Variants in DHRS7B observed in about 807,000 individuals in gnomAD.
The protein encoded by DHRS7B is dehydrogenase/reductase 7B, also known as peroxisomal reductase activating PPAR-gamma.
DHRS7B carries 24 observed loss-of-function variants against 26.4 expected under a neutral mutation model. The ratio of observed to expected loss-of-function variants is 0.91; its 90% CI spans 0.66 to 1.28. DHRS7B has a LOEUF of 1.28. DHRS7B is among the 50% of genes most tolerant of loss of function. The pLI is 0.00. For missense variants in DHRS7B, 368 were observed against 419.4 expected (o/e 0.88, Z 1.07); for synonymous variants, 142 against 166.4 (o/e 0.85, Z 1.13).
At chr17:21,159,297 G>C (rs967182113) in intron 1 of DHRS7B, among the ~76,000 whole-genome samples, 5 of 150,312 alleles carry the variant, frequency 3.3e-5, no homozygotes, top group African/African-American at 1.2e-4. Flanking sequence ...GCCCAGGCTA[G>C]AGTGCAGTGG....
chr17:21,174,740 CT>C (rs1974335610), intron 2 of DHRS7B, among the ~76,000 whole-genome samples: 1 of 152,218 alleles, frequency 6.6e-6, no homozygotes, highest in African/African-American at 2.4e-5. Flanking sequence ...CACAAATGTC[CT>C]ATGTATTGGT....
chr17:21,164,558 G>A (rs1974070657), intron 1 of DHRS7B, among the ~76,000 whole-genome samples: 1 of 152,236 alleles, frequency 6.6e-6, no homozygotes, highest in African/African-American at 2.4e-5. Flanking sequence ...CAGGTGCGGT[G>A]TTCGGCCAGC....
chr17:21,167,798 A>C (rs1174010248), intron 1 of DHRS7B, among the ~76,000 whole-genome samples: 1 of 152,190 alleles, frequency 6.6e-6, no homozygotes, highest in East Asian at 1.9e-4. Flanking sequence ...TGATCTGGCT[A>C]TATATCTGAA....
At chr17:21,134,685 A>C (rs894503660) in intron 1 of DHRS7B, among the ~76,000 whole-genome samples, 4 of 152,182 alleles carry the variant, frequency 2.6e-5, no homozygotes, top group Admixed American at 2.0e-4. Context: ...GATGCAAATA[A>C]CTGTATTGCC....
chr17:21,179,095 C>T (rs1446116707), intron 3 of DHRS7B, among the ~76,000 whole-genome samples: 2 of 152,156 alleles, frequency 1.3e-5, no homozygotes, highest in South Asian at 2.1e-4. Flanking sequence ...TAGGCATGTG[C>T]CACCACACCC....
chr17:21,168,990 T>A (rs1974176124), intron 1 of DHRS7B: 1 of 865,086 alleles, frequency 1.2e-6, no homozygotes, highest in Non-Finnish European at 1.4e-6. Flanking sequence ...TTTAATCATC[T>A]TCCACTGGGG....
chr17:21,186,284 G>A (rs1974632893), intron 5 of DHRS7B, among the ~76,000 whole-genome samples: 1 of 152,234 alleles, frequency 6.6e-6, no homozygotes, highest in South Asian at 2.1e-4. Flanking sequence ...ACACTGGCAG[G>A]GTAAGTGATG....
chr17:21,130,219 G>A (rs1328330533), intron 1 of DHRS7B, among the ~76,000 whole-genome samples: 1 of 152,060 alleles, frequency 6.6e-6, no homozygotes, highest in Non-Finnish European at 1.5e-5. Context: ...CCAACATGGC[G>A]AACCCCGTCT....
intron 1 of DHRS7B, among the ~76,000 whole-genome samples, chr17:21,143,496 G>A (rs554630299): frequency 6.6e-6 from 1 of 152,314 alleles, no homozygotes; most frequent in South Asian, 2.1e-4. Flanking sequence ...TCAGATTTGT[G>A]AAGTTGGCAT....
In DHRS7B at chr17:21,178,770, C is replaced by A. The variant is rs951062919; in HGVS notation, c.309+428C>A. Among the ~76,000 whole-genome samples the A allele has an allele frequency of 2.6e-5, 4 of 151,586 alleles. No homozygotes were observed. The South Asian group carries it at 8.4e-4, about 32-fold the overall frequency. On this transcript the variant is annotated intron_variant, in intron 3 of 6. Transcript: ENST00000395511. ...GCCCCCTGGGTTCAAGCGATTCTTC[C>A]GCCTCAGCCTCCTGAGTAGCTGGGA...
intron 1 of DHRS7B, among the ~76,000 whole-genome samples, chr17:21,143,951 CAG>C (rs1381499400): frequency 6.6e-6 from 1 of 152,228 alleles, no homozygotes; most frequent in Non-Finnish European, 1.5e-5. Flanking sequence ...GCACAGGAAA[CAG>C]AGAGATGAAT....
chr17:21,141,362 G>T (rs2143923658), intron 1 of DHRS7B, among the ~76,000 whole-genome samples: 1 of 152,066 alleles, frequency 6.6e-6, no homozygotes, highest in South Asian at 2.1e-4. Flanking sequence ...TTAAATTTGA[G>T]AGAAAAAGCA....
chr17:21,166,194 T>C (rs751762344), intron 1 of DHRS7B: 4 of 985,480 alleles, frequency 4.1e-6, no homozygotes, highest in Non-Finnish European at 4.8e-6. Flanking sequence ...CTCACTTCAA[T>C]GTGGCTGCTC....
intron 1 of DHRS7B, among the ~76,000 whole-genome samples, chr17:21,158,069 C>G (rs1416080889): frequency 6.6e-6 from 1 of 152,110 alleles, no homozygotes; most frequent in Non-Finnish European, 1.5e-5. Context: ...GATTAAAACT[C>G]TCAGCAAATC....
Position 21,190,064 on chromosome 17 carries a change from G to C in DHRS7B, c.773-884G>C, listed in dbSNP as rs190114644. On this transcript the variant is annotated intron_variant, in intron 6 of 6. Coordinates refer to ENST00000395511, the MANE Select transcript of DHRS7B (RefSeq NM_015510.5). ...CACCTGTAGTCTAGCTACTCAGGAGGCTGAGGCAGGAGGATTGCTTGAGCC... is the reference window on the plus strand; with the variant it reads ...CACCTGTAGTCTAGCTACTCAGGAGCCTGAGGCAGGAGGATTGCTTGAGCC... Among the ~76,000 whole-genome samples the C allele has an allele frequency of 3.8e-3, 579 of 152,274 alleles. 4 individuals are homozygous for C. The highest frequency in any genetic ancestry group is 0.014 in the African/African-American group (563 of 41,544).
intron 1 of DHRS7B, among the ~76,000 whole-genome samples, chr17:21,153,698 C>G (rs1303531471): frequency 6.6e-6 from 1 of 152,024 alleles, no homozygotes; most frequent in Non-Finnish European, 1.5e-5. Flanking sequence ...AAGGTGCCAT[C>G]TAAGTGTCCT....
intron 1 of DHRS7B, among the ~76,000 whole-genome samples, chr17:21,132,802 T>C (rs116807454): frequency 1.4e-3 from 211 of 152,328 alleles, no homozygotes; most frequent in African/African-American, 4.8e-3. Context: ...GCTAAACTTC[T>C]TATAACAAGG....
chr17:21,152,279 T>A (rs1478347332), intron 1 of DHRS7B, among the ~76,000 whole-genome samples: 1 of 151,870 alleles, frequency 6.6e-6, no homozygotes, highest in Non-Finnish European at 1.5e-5. Flanking sequence ...CTCAGCCTCC[T>A]GAGTACCTGA....
intron 1 of DHRS7B, among the ~76,000 whole-genome samples, chr17:21,145,334 A>AT (rs1350802287): frequency 6.6e-6 from 1 of 152,070 alleles, no homozygotes; most frequent in Non-Finnish European, 1.5e-5. Flanking sequence ...AAAAAAAAAA[A>AT]GAAAATCAAC....
Sources: allele counts gnomAD v4.1 joint callset (sites outside exome capture counted in the v4.1 genomes callset), GRCh38; gene constraint gnomAD v4.1.1; transcripts MANE v1.5; gene names NCBI Gene and HGNC (gene_info 2026-07-23, HGNC 2026-07-21).